ICAM3: variants seen among roughly 807,000 people sequenced by gnomAD.
ICAM3 encodes the protein ICAM-3.
In ICAM3, 54 loss-of-function variants were observed where a neutral mutation model predicts 43.6. The ratio of observed to expected loss-of-function variants is 1.24; its 90% CI spans 0.99 to 1.55. The LOEUF (loss-of-function observed/expected upper bound fraction) is 1.55. ICAM3 is among the 40% of genes most tolerant of loss of function. The pLI is 0.00. For synonymous variants in ICAM3, 306 were observed against 312.6 expected, an observed-to-expected ratio of 0.98 and a Z score of 0.22; for missense variants, 715 against 717.9, an observed-to-expected ratio of 1.00 and a Z score of 0.05.
chr19:10,335,482 G>A, intron 3 of ICAM3, 129 bp from the exon 4 acceptor site: 1 of 1,121,926 alleles, frequency 8.9e-7, no homozygotes, highest in African/African-American at 1.6e-5. Flanking sequence ...ACAGGGCCAT[G>A]AAAACGGCCT....
intron 4 of ICAM3, 24 bp downstream of exon 4, chr19:10,335,041 GC>G (rs1295192649): frequency 3.1e-6 from 5 of 1,602,262 alleles, no homozygotes; most frequent in Non-Finnish European, 4.3e-6. Flanking sequence ...CTGAGGCCGC[GC>G]CCCCTTCCCA....
In ICAM3 at chr19:10,335,785, C is replaced by T. The variant is rs1375692304; in HGVS notation, c.535G>A (p.Ala179Thr). 1 of 1,612,608 alleles carries T rather than the reference C, an allele frequency of 6.2e-7. No homozygotes were observed. The change falls in exon 3 of 7, where the codon GCC (alanine) becomes ACC (threonine). Residue 179 changes from alanine to threonine, a missense_variant. Coordinates refer to ENST00000160262, the MANE Select transcript of ICAM3 (RefSeq NM_002162.5). The part of the protein sequence containing the change: ...EPAEVTATVL[A>T]SRDDHGAPFS... ...GGGGCTCCGTGGTCGTCTCTGCTGG[C>T]CAGCACAGTGGCAGTGACCTCCGCT... is the stretch of plus-strand genomic sequence containing the variant.
chr19:10,336,051 A>T, intron 2 of ICAM3, 75 bp from the exon 3 acceptor site: 2 of 1,360,808 alleles, frequency 1.5e-6, no homozygotes, highest in South Asian at 2.8e-5. Context: ...TGGGGAGGAG[A>T]CAGGGTGGTC....
At position 10,334,962 on chromosome 19, in the gene ICAM3, T is replaced by C. The variant is rs1348974784; in HGVS notation, c.937+104A>G. On this transcript the variant is annotated intron_variant, in intron 4 of 6. Coordinates refer to ENST00000160262, the MANE Select transcript of ICAM3 (RefSeq NM_002162.5). The surrounding 1 kb of genome is among the most constrained non-coding windows in gnomAD (Gnocchi z 5.5). ...ACTCAGGCCCAACCCACGTTGCAAC[T>C]GCTATTGGGGCAAGCCAGGCCCCAC... 6.7e-7 allele frequency: 1 copy of C among 1,487,776 alleles called. No homozygotes were observed. The highest frequency in any genetic ancestry group is 2.0e-5 in the Admixed American group (1 of 49,528). The allele number at this position is 1,487,776 out of a possible 1,614,324, so 92.2% of individuals were successfully genotyped here. A position where few individuals can be genotyped will look rare whatever the true frequency, so the allele number is the denominator to read the frequency against.
Position 10,335,205 on chromosome 19 carries a change from T to G in ICAM3, c.798A>C (p.Thr266=). The G allele has an allele frequency of 6.2e-7, 1 of 1,613,402 alleles. No individual in the cohort carries two copies. The highest frequency in any genetic ancestry group is 8.5e-7 in the Non-Finnish European group (1 of 1,179,810). ...LALGDQMLNA[T]VMNHGDTLTA... ...TTAGCGTGTCCCCGTGGTTCATGAC[T>G]GTCGCATTCAGCATCTGGTCCCCCA... is the stretch of plus-strand genomic sequence containing the variant. Residue 266 remains threonine (T), a synonymous_variant, in exon 4 of 7, where the codon ACA becomes ACC. Transcript: ENST00000160262.
At position 10,334,018 on chromosome 19, in the gene ICAM3, G is replaced by C. The variant is rs373239893; in HGVS notation, c.1483C>G (p.Leu495Val). The change falls in exon 7 of 7, where the codon CTG becomes GTG. Residue 495 changes from leucine to valine, a missense_variant. By Grantham distance (32) the Leu-to-Val change is conservative. Coordinates refer to ENST00000160262, the MANE Select transcript of ICAM3 (RefSeq NM_002162.5). This position sits in a 1 kb window ranked among gnomAD's most constrained non-coding sequence, Gnocchi z 5.5. The part of the protein sequence containing the change: ...HFVPVFVAVL[L>V]TLGVVTIVLA... ...ACGATAGTCACCACGCCCAGGGTCAGTAACACCGCCACGAAGACGGGGACA... is the reference window on the plus strand; with the variant it reads ...ACGATAGTCACCACGCCCAGGGTCACTAACACCGCCACGAAGACGGGGACA... The C allele has an allele frequency of 1.1e-5, 18 of 1,614,114 alleles. No homozygotes were observed. The East Asian group carries it at 1.6e-4, about 14-fold the overall frequency.
Position 10,338,817 on chromosome 19 carries a change from A to G in ICAM3, c.208T>C (p.Ser70Pro). The G allele has an allele frequency of 3.7e-6, 6 of 1,614,118 alleles. No individual in the cohort carries two copies. In the South Asian group the frequency reaches 6.6e-5, roughly 18 times the overall value. ...SEKIALETSL[S>P]KELVASGMGW... is the part of the protein sequence containing the mutation. ...ATGCCACTGGCCACCAGCTCCTTTG[A>G]TAGGGACGTCTCCAAGGCGATTTTC... Residue 70 changes from serine to proline, a missense_variant, in exon 2 of 7, where the codon TCA becomes CCA. Transcript: ENST00000160262.
intron 2 of ICAM3, among the ~76,000 whole-genome samples, chr19:10,337,934 G>T (rs1304117566): frequency 6.6e-6 from 1 of 152,116 alleles, no homozygotes; most frequent in Non-Finnish European, 1.5e-5. Context: ...GCTCACACTT[G>T]TAATCCCAGC....
rs779981449 is a variant in ICAM3, at chr19:10,338,927, A to G, written c.98T>C (p.Leu33Pro). The change falls in exon 2 of 7, where the codon CTT becomes CCT. Residue 33 changes from leucine to proline, a missense_variant. Leu to Pro is a moderately conservative substitution (Grantham distance 98). Transcript: ENST00000160262. The stretch of plus-strand genomic sequence containing the variant: ...AGGGTTCTGGGGCTCCACCCGCAAA[A>G]GGAACTCCTGCCCCTGGACACCTTC... ...LTPGVQGQEF[L>P]LRVEPQNPVL... 1 of 1,614,014 alleles carries G rather than the reference A, an allele frequency of 6.2e-7. No homozygotes were observed. Among genetic ancestry groups the G allele is most frequent in the South Asian group, 1.1e-5 (1 of 91,084 alleles).
chr19:10,337,984 C>A (rs7250300), intron 2 of ICAM3, among the ~76,000 whole-genome samples: 29,623 of 150,568 alleles, frequency 0.2, 3,037 homozygotes, highest in South Asian at 0.25. Context: ...CCCGTCTCTA[C>A]TAAAAATACA....
rs772639951 is a variant in ICAM3 at position 10,338,790 on chromosome 19, C to T, written c.235G>A (p.Gly79Ser). The T allele has an allele frequency of 6.2e-6, 10 of 1,614,144 alleles. 1 individual carries two copies. In the East Asian group the frequency reaches 2.2e-4, roughly 36 times the overall value. Residue 79 changes from glycine (G) to serine (S), a missense_variant, in exon 2 of 7, where the codon GGC becomes AGC. By Grantham distance (56) the Gly-to-Ser change is moderately conservative. Transcript: ENST00000160262. The part of the protein sequence containing the change: ...LSKELVASGM[G>S]WAAFNLSNVT... ...TTGCTGAGATTGAAGGCTGCCCAGCCCATGCCACTGGCCACCAGCTCCTTT... is the reference window on the plus strand; with the variant it reads ...TTGCTGAGATTGAAGGCTGCCCAGCTCATGCCACTGGCCACCAGCTCCTTT...
At position 10,334,957 on chromosome 19, in the gene ICAM3, G is replaced by T; in HGVS notation, c.937+109C>A. 6.7e-7 allele frequency: 1 copy of T among 1,482,642 alleles called. No homozygotes were observed. Among genetic ancestry groups the T allele is most frequent in the Non-Finnish European group, 9.1e-7 (1 of 1,098,488 alleles). 91.8% of individuals were successfully genotyped at this position (1,482,642 alleles called of 1,614,324 possible). A position where few individuals can be genotyped will look rare whatever the true frequency, so the allele number is the denominator to read the frequency against. On this transcript the variant is annotated intron_variant, in intron 4 of 6. Transcript: ENST00000160262. The surrounding 1 kb of genome is among the most constrained non-coding windows in gnomAD (Gnocchi z 5.5). ...CGGGCACTCAGGCCCAACCCACGTT[G>T]CAACTGCTATTGGGGCAAGCCAGGC...
rs139851139 is a variant in ICAM3, at chr19:10,333,991, G to A, written c.1510C>T (p.Leu504=). 8.5e-4 allele frequency: 1,369 copies of A among 1,614,148 alleles called. 11 individuals carry two copies. The African/African-American group carries it at 0.017, about 20-fold the overall frequency. Residue 504 remains leucine (L), a synonymous_variant, in exon 7 of 7, where the codon CTG becomes TTG. Coordinates refer to ENST00000160262, the MANE Select transcript of ICAM3 (RefSeq NM_002162.5). This position sits in a 1 kb window ranked among gnomAD's most constrained non-coding sequence, Gnocchi z 4.2. ...TCCCTGAAGACGTACATTAAGGCCA[G>A]TACGATAGTCACCACGCCCAGGGTC... ...LLTLGVVTIV[L]ALMYVFREHQ... is the part of the protein sequence containing the mutation.
At position 10,334,065 on chromosome 19, in the gene ICAM3, C is replaced by T; in HGVS notation, c.1442-6G>A. On this transcript the variant is annotated splice_region_variant and splice_polypyrimidine_tract_variant and intron_variant, in intron 6 of 6. Coordinates refer to ENST00000160262, the MANE Select transcript of ICAM3 (RefSeq NM_002162.5). This position sits in a 1 kb window ranked among gnomAD's most constrained non-coding sequence, Gnocchi z 5.5. ...GACAAAGTGGGAGCTCCCAGCTGTG[C>T]AGAGAAAGCGCTAAGTCAATATGCG... The T allele has an allele frequency of 1.2e-6, 2 of 1,613,936 alleles. No individual in the cohort carries two copies. The highest frequency in any genetic ancestry group is 1.7e-6 in the Non-Finnish European group (2 of 1,179,932).
Position 10,334,158 on chromosome 19 carries a change from A to C in ICAM3, c.1441+2T>G, listed in dbSNP as rs2040554639. The C allele has an allele frequency of 6.2e-7, 1 of 1,609,070 alleles. No individual in the cohort carries two copies. The highest frequency in any genetic ancestry group is 1.4e-5 in the African/African-American group (1 of 73,926). On this transcript the variant is annotated splice_donor_variant, in intron 6 of 6. Coordinates refer to ENST00000160262, the MANE Select transcript of ICAM3 (RefSeq NM_002162.5). LOFTEE classifies it high-confidence loss of function. This position sits in a 1 kb window ranked among gnomAD's most constrained non-coding sequence, Gnocchi z 5.5. ...CAGACCCGCAGCCCCGTGTTAGCTC[A>C]CCCTCAATGTCCATCACCACGACCA...
chr19:10,334,833 G>A lies in ICAM3; in HGVS notation c.938-51C>T, dbSNP rs1307873122. The A allele has an allele frequency of 2.0e-6, 3 of 1,523,422 alleles. No individual in the cohort carries two copies. The African/African-American group carries it at 4.2e-5, about 21-fold the overall frequency. The allele number at this position is 1,523,422 out of a possible 1,614,324, so 94.4% of individuals were successfully genotyped here. A position where few individuals can be genotyped will look rare whatever the true frequency, so the allele number is the denominator to read the frequency against. ...CTTAATGAACAGGACCTTCCTGTGG[G>A]TCAAGCCGCTCCCTCCGCCCTCCCC... On this transcript the variant is annotated intron_variant, in intron 4 of 6. Coordinates refer to ENST00000160262, the MANE Select transcript of ICAM3 (RefSeq NM_002162.5). The surrounding 1 kb of genome is among the most constrained non-coding windows in gnomAD (Gnocchi z 5.5).
Position 10,334,602 on chromosome 19 carries a change from A to C in ICAM3, c.1118T>G (p.Phe373Cys), listed in dbSNP as rs765827834. ...CACCTCGAGAGTGGCACTGCAGAAG[A>C]AGCTGCGTCCGTCGTCACTCTCGGT... is the stretch of plus-strand genomic sequence containing the variant. ...NATESDDGRS[F>C]FCSATLEVDG... The change falls in exon 5 of 7, where the codon TTC (phenylalanine) becomes TGC (cysteine). Residue 373 changes from phenylalanine to cysteine, a missense_variant. Phe to Cys is a radical substitution (Grantham distance 205). Transcript: ENST00000160262. The surrounding 1 kb of genome is among the most constrained non-coding windows in gnomAD (Gnocchi z 5.5). The C allele has an allele frequency of 9.9e-6, 16 of 1,613,562 alleles. No individual in the cohort carries two copies. Among genetic ancestry groups the C allele is most frequent in the Middle Eastern group, 3.3e-4 (2 of 6,084 alleles).
Position 10,334,165 on chromosome 19 carries a change from A to T in ICAM3, c.1436T>A (p.Ile479Asn). The change falls in exon 6 of 7, where the codon ATT becomes AAT. Residue 479 changes from isoleucine to asparagine, a missense_variant. Ile to Asn is a moderately radical substitution (Grantham distance 149). Transcript: ENST00000160262. This position sits in a 1 kb window ranked among gnomAD's most constrained non-coding sequence, Gnocchi z 5.5. ...GKYTLVVVMD[I>N]EAGSSHFVPV... ...GCAGCCCCGTGTTAGCTCACCCTCA[A>T]TGTCCATCACCACGACCAGGGTGTA... 1 of 1,613,584 alleles carries T rather than the reference A, an allele frequency of 6.2e-7. No individual in the cohort carries two copies. The highest frequency in any genetic ancestry group is 8.5e-7 in the Non-Finnish European group (1 of 1,179,736).
chr19:10,339,436 G>T, intron 1 of ICAM3, 103 bp downstream of exon 1: 1 of 963,092 alleles, frequency 1.0e-6, no homozygotes, highest in Non-Finnish European at 1.6e-6. Context: ...CGGCCAGGTC[G>T]CAGTGTGGCA....
Sources: allele counts gnomAD v4.1 joint callset (sites outside exome capture counted in the v4.1 genomes callset), GRCh38; gene constraint gnomAD v4.1.1; non-coding constraint Gnocchi (gnomAD v3.1); transcripts MANE v1.5; gene names NCBI Gene and HGNC (gene_info 2026-07-23, HGNC 2026-07-21).